RBFOX1: variants seen among roughly 807,000 people sequenced by gnomAD.
The protein encoded by RBFOX1 is RNA binding fox-1 homolog 1.
Under a neutral mutation model 57.7 loss-of-function variants are expected in RBFOX1, and 8 were observed. The ratio of observed to expected loss-of-function variants is 0.14; its 90% CI spans 0.08 to 0.25. RBFOX1 has a LOEUF of 0.25. Ranked by LOEUF, RBFOX1 falls within the 10% of genes least tolerant of loss-of-function variation. The pLI, the probability that RBFOX1 is intolerant of heterozygous loss-of-function variation, is 1.00. For missense variants in RBFOX1, 611 were observed against 548.5 expected, an observed-to-expected ratio of 1.11 and a Z score of -1.14; for synonymous variants, 326 against 222.4, an observed-to-expected ratio of 1.47 and a Z score of -4.15.
At chr16:6,235,606 G>T (rs2097500119) in intron 1 of RBFOX1, among the ~76,000 whole-genome samples, 1 of 148,204 alleles carries the variant, frequency 6.7e-6, no homozygotes, top group Non-Finnish European at 1.5e-5. Context: ...ATACATGATG[G>T]GATATTTATA....
intron 4 of RBFOX1, among the ~76,000 whole-genome samples, chr16:5,971,928 C>T (rs1446009755): frequency 5.3e-5 from 8 of 152,186 alleles, no homozygotes; most frequent in Non-Finnish European, 1.2e-4. Context: ...CAGCTGAAGG[C>T]CTGAACAGAG....
chr16:5,242,384 G>A (rs1020845357), intron 1 of RBFOX1, among the ~76,000 whole-genome samples: 12 of 152,128 alleles, frequency 7.9e-5, no homozygotes, highest in Non-Finnish European at 1.5e-4. Flanking sequence ...TCAGTCCGGC[G>A]GCCCCTCGAA....
chr16:6,747,296 A>G (rs540960096), intron 3 of RBFOX1, among the ~76,000 whole-genome samples: 1 of 152,128 alleles, frequency 6.6e-6, no homozygotes, highest in Non-Finnish European at 1.5e-5. Flanking sequence ...AATCCCAGCT[A>G]CTCAAGAGGC....
intron 3 of RBFOX1, among the ~76,000 whole-genome samples, chr16:5,616,588 C>T (rs1178230145): frequency 1.3e-5 from 2 of 150,120 alleles, no homozygotes; most frequent in East Asian, 2.0e-4. Context: ...TTCTCCCTCT[C>T]CCTCCTCCTC....
intron 4 of RBFOX1, among the ~76,000 whole-genome samples, chr16:7,334,179 G>T (rs904241788): frequency 2.0e-5 from 3 of 152,094 alleles, no homozygotes; most frequent in Non-Finnish European, 4.4e-5. Context: ...TGGGTGATTA[G>T]AGTCATCTGG....
intron 2 of RBFOX1, among the ~76,000 whole-genome samples, chr16:5,576,158 A>G (rs936734013): frequency 1.3e-5 from 2 of 151,598 alleles, no homozygotes; most frequent in Non-Finnish European, 2.9e-5. Flanking sequence ...TAATGTTTGT[A>G]TTTTTTTTAG....
At chr16:5,801,649 G>C (rs892393563) in intron 3 of RBFOX1, among the ~76,000 whole-genome samples, 3 of 152,206 alleles carry the variant, frequency 2.0e-5, no homozygotes, top group African/African-American at 7.2e-5. Context: ...ATCCGTGGTT[G>C]CTAAAGAGTT....
intron 3 of RBFOX1, among the ~76,000 whole-genome samples, chr16:6,753,745 G>T (rs755233351): frequency 2.0e-5 from 3 of 151,968 alleles, no homozygotes; most frequent in Non-Finnish European, 4.4e-5. Flanking sequence ...AGCAGCTCTG[G>T]CCTCCTTGGA....
chr16:7,308,134 A>G (rs2096234821), intron 4 of RBFOX1, among the ~76,000 whole-genome samples: 1 of 152,208 alleles, frequency 6.6e-6, no homozygotes, highest in Non-Finnish European at 1.5e-5. Context: ...ATGCATGGAC[A>G]CACAGGACAC....
chr16:6,560,426 G>C (rs2097165600), intron 2 of RBFOX1, among the ~76,000 whole-genome samples: 1 of 152,088 alleles, frequency 6.6e-6, no homozygotes, highest in African/African-American at 2.4e-5. Flanking sequence ...TTGGCATAAA[G>C]CCAGCTGCAT....
chr16:7,024,170 T>C (rs1285314423), intron 3 of RBFOX1, among the ~76,000 whole-genome samples: 3 of 152,214 alleles, frequency 2.0e-5, no homozygotes, highest in Admixed American at 6.5e-5. Flanking sequence ...CATCTAGTAA[T>C]CATTTAATAA....
intron 3 of RBFOX1, among the ~76,000 whole-genome samples, chr16:6,749,631 C>T (rs370013651): frequency 1.3e-5 from 2 of 152,138 alleles, no homozygotes; most frequent in African/African-American, 2.4e-5. Flanking sequence ...CATTCTTCAT[C>T]TCCTGGAGTG....
intron 3 of RBFOX1, among the ~76,000 whole-genome samples, chr16:5,616,864 T>C: frequency 6.8e-6 from 1 of 147,550 alleles, no homozygotes; most frequent in East Asian, 2.1e-4. Flanking sequence ...CATCCTCCCT[T>C]CCCCACCCCT....
intron 2 of RBFOX1, among the ~76,000 whole-genome samples, chr16:5,490,201 G>C (rs927722926): frequency 5.3e-5 from 8 of 152,332 alleles, no homozygotes; most frequent in African/African-American, 1.9e-4. Context: ...CACCTATGTT[G>C]GGCTCATCTC....
intron 2 of RBFOX1, among the ~76,000 whole-genome samples, chr16:6,613,741 G>C (rs976839398): frequency 1.2e-4 from 18 of 152,086 alleles, no homozygotes; most frequent in Admixed American, 1.1e-3. Flanking sequence ...GTTTGAGACC[G>C]GCCTGGCCAA....
At chr16:6,175,046 G>T (rs763659254) in intron 1 of RBFOX1, among the ~76,000 whole-genome samples, 7 of 152,092 alleles carry the variant, frequency 4.6e-5, no homozygotes, top group Non-Finnish European at 7.4e-5. Flanking sequence ...GAAACCATAC[G>T]TATCTCCCAG....
chr16:6,111,210 G>T (rs1391163380), intron 1 of RBFOX1, among the ~76,000 whole-genome samples: 1 of 152,152 alleles, frequency 6.6e-6, no homozygotes, highest in African/African-American at 2.4e-5. Context: ...ACACTGACTT[G>T]CTGGAACAGA....
At chr16:5,739,388 A>G (rs2052695935) in intron 3 of RBFOX1, among the ~76,000 whole-genome samples, 1 of 152,244 alleles carries the variant, frequency 6.6e-6, no homozygotes, top group Non-Finnish European at 1.5e-5. Flanking sequence ...ACAGACAAGA[A>G]TCTGTGCCAT....
At chr16:6,549,441 A>G (rs1311676063) in intron 2 of RBFOX1, among the ~76,000 whole-genome samples, 1 of 38,878 alleles carries the variant, frequency 2.6e-5, no homozygotes, top group African/African-American at 1.0e-4. Flanking sequence ...AGGGAGGAGG[A>G]GGAGGGAGGA....
Sources: gnomAD v4.1 joint callset for allele counts (sites outside exome capture counted in the v4.1 genomes callset) on GRCh38, gnomAD v4.1.1 for gene constraint, MANE v1.5 for transcripts, NCBI Gene and HGNC (gene_info 2026-07-23, HGNC 2026-07-21) for gene names.